Variants in LAMA3 observed in about 807,000 individuals in gnomAD.
LAMA3 encodes laminin subunit alpha-3.
LAMA3 carries 281 observed loss-of-function variants against 402.0 expected under a neutral mutation model. That is an observed-to-expected ratio of 0.70 (90% CI 0.63 to 0.77). LAMA3 has a LOEUF of 0.77. LAMA3 is among the 30% of genes least tolerant of loss of function. The pLI, the probability that LAMA3 is intolerant of heterozygous loss-of-function variation, is 0.00. For synonymous variants in LAMA3, 1,431 were observed against 1,558.4 expected (o/e 0.92, Z 1.93); for missense variants, 3,840 against 4,215.5 (o/e 0.91, Z 2.47).
At chr18:23,903,178 G>C in intron 49 of LAMA3, 53 bp downstream of exon 49, 1 of 1,136,692 alleles carries the variant, frequency 8.8e-7, no homozygotes, top group East Asian at 2.3e-5. Context: ...TAATTATATT[G>C]TGAGAAAACA....
chr18:23,896,606 C>T (rs1274890070), intron 44 of LAMA3, among the ~76,000 whole-genome samples: 1 of 152,018 alleles, frequency 6.6e-6, no homozygotes, highest in African/African-American at 2.4e-5. Flanking sequence ...GAACCTATTT[C>T]CCTGAGGGGA....
chr18:23,721,039 T>C (rs998803218), intron 2 of LAMA3, among the ~76,000 whole-genome samples: 3 of 152,014 alleles, frequency 2.0e-5, no homozygotes, highest in Non-Finnish European at 2.9e-5. Context: ...ACACTTGTAG[T>C]CCTAGCAACT....
intron 41 of LAMA3, among the ~76,000 whole-genome samples, chr18:23,888,225 G>C (rs1393400903): frequency 6.6e-6 from 1 of 152,146 alleles, no homozygotes; most frequent in African/African-American, 2.4e-5. Flanking sequence ...CCTCAGCCTA[G>C]TTACCTTCTG....
chr18:23,827,507 C>T, intron 23 of LAMA3, 40 bp downstream of exon 23: 14 of 1,603,492 alleles, frequency 8.7e-6, no homozygotes, highest in Non-Finnish European at 1.1e-5. Flanking sequence ...TTATTACTAC[C>T]TCCCCATCTG....
At chr18:23,836,869 T>G (rs564836802) in intron 24 of LAMA3, 112 bp from the exon 25 acceptor site, 15 of 745,686 alleles carry the variant, frequency 2.0e-5, no homozygotes, top group Non-Finnish European at 3.4e-5. Flanking sequence ...TCACTATAAT[T>G]CATTCAGTTA....
At chr18:23,890,556 G>T (rs1599016349) in intron 42 of LAMA3, among the ~76,000 whole-genome samples, 1 of 152,100 alleles carries the variant, frequency 6.6e-6, no homozygotes, top group East Asian at 1.9e-4. Flanking sequence ...GGGTAATTGG[G>T]GTGGATTTTA....
Position 23,717,719 on chromosome 18 carries a change from A to ATTTTT in LAMA3, c.447+3647_447+3648insTTTTT, listed in dbSNP as rs1568109215. On this transcript the variant is annotated intron_variant, in intron 2 of 74. Coordinates refer to ENST00000313654, the MANE Select transcript of LAMA3 (RefSeq NM_198129.4). ...AGGTGCCCACCACCATGCCTGGCTA[A>ATTTTT]ATTTTTTTTTTTTTTTTTTTTTTTT... is the stretch of plus-strand genomic sequence containing the variant. 2.8e-4 allele frequency among the ~76,000 whole-genome samples: 33 copies of ATTTTT among 116,808 alleles called. 11 individuals are homozygous for ATTTTT. The East Asian group carries it at 3.3e-3, about 12-fold the overall frequency. The allele number at this position is 116,808 out of a possible 152,430, so 76.6% of individuals were successfully genotyped here.
At chr18:23,736,468 C>T (rs987095103) in intron 2 of LAMA3, among the ~76,000 whole-genome samples, 7 of 151,266 alleles carry the variant, frequency 4.6e-5, no homozygotes, top group African/African-American at 1.7e-4. Context: ...TATAATATTG[C>T]CTTGGGGGAA....
chr18:23,862,266 T>C (rs2064242116), intron 35 of LAMA3, among the ~76,000 whole-genome samples: 1 of 152,216 alleles, frequency 6.6e-6, no homozygotes, highest in Non-Finnish European at 1.5e-5. Flanking sequence ...AGTTCGACTT[T>C]CCTAAGTAGA....
At position 23,856,993 on chromosome 18, in the gene LAMA3, CCTT is replaced by C. The variant is rs1284877667; in HGVS notation, c.4137-850_4137-848del. On this transcript the variant is annotated intron_variant, in intron 32 of 74. Coordinates refer to ENST00000313654, the MANE Select transcript of LAMA3 (RefSeq NM_198129.4). ...CACAAGTCCAACCACACCCTCTCCT[CCTT>C]AACAGCTGTTCATGTTGCCTTGTTT... is the stretch of plus-strand genomic sequence containing the variant. Among the ~76,000 whole-genome samples the C allele has an allele frequency of 3.9e-5, 6 of 152,156 alleles. No individual in the cohort carries two copies. In the East Asian group the frequency reaches 1.2e-3, roughly 29 times the overall value.
rs746730451 is a variant in LAMA3 at position 23,836,219 on chromosome 18, A to G, written c.2985-762A>G. Among the ~76,000 whole-genome samples, 90 of 152,250 alleles carry G rather than the reference A, an allele frequency of 5.9e-4. 1 individual carries two copies. Among genetic ancestry groups the G allele is most frequent in the South Asian group, 2.3e-3 (11 of 4,818 alleles). Reference sequence around the variant, plus strand: ...CAATACACACTGGGCTTGGCTTTTTATATAACTTATCTCATTTTAATCCTC... The same window carrying G: ...CAATACACACTGGGCTTGGCTTTTTGTATAACTTATCTCATTTTAATCCTC... On this transcript the variant is annotated intron_variant, in intron 24 of 74. Coordinates refer to ENST00000313654, the MANE Select transcript of LAMA3 (RefSeq NM_198129.4).
intron 34 of LAMA3, among the ~76,000 whole-genome samples, chr18:23,859,185 C>A (rs763889586): frequency 1.3e-5 from 2 of 152,160 alleles, no homozygotes; most frequent in African/African-American, 2.4e-5. Context: ...ATAATAGATG[C>A]CCAATAAATC....
At chr18:23,944,202 C>G (rs2082628172) in intron 69 of LAMA3, among the ~76,000 whole-genome samples, 1 of 152,140 alleles carries the variant, frequency 6.6e-6, no homozygotes, top group South Asian at 2.1e-4. Flanking sequence ...GATGCTTCTT[C>G]CATCCCCTCC....
chr18:23,791,213 A>C (rs1038464794), intron 12 of LAMA3, among the ~76,000 whole-genome samples: 28 of 152,108 alleles, frequency 1.8e-4, no homozygotes, highest in Non-Finnish European at 1.5e-5. Flanking sequence ...TGTCTTTACT[A>C]TTCTTCCTTA....
chr18:23,707,749 CTTTT>C (rs112324401), intron 1 of LAMA3, among the ~76,000 whole-genome samples: 3 of 140,858 alleles, frequency 2.1e-5, no homozygotes, highest in African/African-American at 2.6e-5. Context: ...AAACAAAATT[CTTTT>C]TTTTTTTTTT....
chr18:23,748,748 CTG>C (rs36021444), intron 3 of LAMA3, among the ~76,000 whole-genome samples: 72,501 of 149,880 alleles, frequency 0.48, 19,191 homozygotes, highest in Non-Finnish European at 0.61. Flanking sequence ...TGAGCCAAGA[CTG>C]TGCCACAGCA....
Position 23,775,915 on chromosome 18 carries a change from T to G in LAMA3, c.1397T>G (p.Phe466Cys). 6.2e-7 allele frequency: 1 copy of G among 1,614,082 alleles called. No individual in the cohort carries two copies. Among genetic ancestry groups the G allele is most frequent in the South Asian group, 1.1e-5 (1 of 91,068 alleles). ...KCAIGYYNFP[F>C]CLRIPIFPVS... The stretch of plus-strand genomic sequence containing the variant: ...GCAATTGGATACTACAATTTCCCAT[T>G]TTGCTTGAGTAAGTACCCACTGCAG... Residue 466 changes from phenylalanine (F) to cysteine (C), a missense_variant, in exon 10 of 75, where the codon TTT becomes TGT. By Grantham distance (205) the Phe-to-Cys change is radical (BLOSUM62 -2). Coordinates refer to ENST00000313654, the MANE Select transcript of LAMA3 (RefSeq NM_198129.4).
rs768365617 is a variant in LAMA3, at chr18:23,810,397, G to C, written c.1635G>C (p.Gln545His). The C allele has an allele frequency of 2.0e-5, 33 of 1,614,016 alleles. No homozygotes were observed. The highest frequency in any genetic ancestry group is 2.7e-5 in the Non-Finnish European group (32 of 1,180,034). The change falls in exon 13 of 75, where the codon CAG becomes CAC. Residue 545 changes from glutamine to histidine, a missense_variant. Gln to His is a conservative substitution (Grantham distance 24). Around this residue, in one of 3 missense-constraint regions of LAMA3, gnomAD observed 2,109 missense variants for 2,376.0 expected, o/e 0.89. Coordinates refer to ENST00000313654, the MANE Select transcript of LAMA3 (RefSeq NM_198129.4). ...ACWCSALGSY[Q>H]MPCSSVTGQC... ...GGTGTTCAGCCCTTGGATCCTACCAGATGCCCTGCAGCTCAGTGACTGGAC... is the reference window on the plus strand; with the variant it reads ...GGTGTTCAGCCCTTGGATCCTACCACATGCCCTGCAGCTCAGTGACTGGAC...
At chr18:23,837,119 A>G (rs1441771241) in intron 25 of LAMA3, 30 bp downstream of exon 25, 1 of 1,487,464 alleles carries the variant, frequency 6.7e-7, no homozygotes, top group Non-Finnish European at 9.4e-7. Flanking sequence ...ATTGAATTTT[A>G]GAAGCATTTT....
Sources: gnomAD v4.1 joint callset for allele counts (sites outside exome capture counted in the v4.1 genomes callset) on GRCh38, gnomAD v4.1.1 for gene constraint, gnomAD v4.1.1 regional missense constraint, MANE v1.5 for transcripts, NCBI Gene and HGNC (gene_info 2026-07-23, HGNC 2026-07-21) for gene names.